NALCN: variants seen among roughly 807,000 people sequenced by gnomAD.
NALCN encodes sodium leak channel, non-selective.
NALCN carries 111 observed loss-of-function variants against 225.3 expected under a neutral mutation model. The ratio of observed to expected loss-of-function variants is 0.49; its 90% confidence interval spans 0.42 to 0.58. The LOEUF (loss-of-function observed/expected upper bound fraction) is 0.58, where lower values mean the gene tolerates loss of function less well. Among genes scored for constraint, NALCN ranks in the 20% least tolerant of loss-of-function variants. NALCN has a pLI of 0.00. For synonymous variants in NALCN, 764 were observed against 769.0 expected, an observed-to-expected ratio of 0.99 and a Z score of 0.11; for missense variants, 1,378 against 2,202.4, an observed-to-expected ratio of 0.63 and a Z score of 7.49.
chr13:101,110,519 T>C (rs548674623), intron 20 of NALCN, 100 bp downstream of exon 20: 2 of 1,265,746 alleles, frequency 1.6e-6, no homozygotes, highest in South Asian at 2.5e-5. Context: ...TAAGGAGACA[T>C]GGGAATGCAG....
chr13:101,374,618 T>G (rs1267014840), intron 6 of NALCN, among the ~76,000 whole-genome samples: 1 of 152,178 alleles, frequency 6.6e-6, no homozygotes, highest in Non-Finnish European at 1.5e-5. Flanking sequence ...AGGTATGAGA[T>G]GCATGCCTTC....
chr13:101,230,418 A>T (rs1228570996), intron 12 of NALCN, among the ~76,000 whole-genome samples: 1 of 152,188 alleles, frequency 6.6e-6, no homozygotes, highest in Admixed American at 6.5e-5. Context: ...GAACTTTCCG[A>T]ATTCTAACCT....
At chr13:101,327,888 G>A (rs1262077830) in intron 7 of NALCN, among the ~76,000 whole-genome samples, 3 of 152,258 alleles carry the variant, frequency 2.0e-5, no homozygotes, top group Admixed American at 6.5e-5. Context: ...CTAACTTTCC[G>A]TAAATGGCCA....
intron 15 of NALCN, among the ~76,000 whole-genome samples, chr13:101,156,956 C>T (rs369161545): frequency 2.6e-5 from 4 of 152,120 alleles, no homozygotes; most frequent in African/African-American, 9.6e-5. Flanking sequence ...TAAATGTCTC[C>T]TATGTTGATA....
At chr13:101,138,742 G>A (rs899137953) in intron 17 of NALCN, among the ~76,000 whole-genome samples, 3 of 152,158 alleles carry the variant, frequency 2.0e-5, no homozygotes, top group African/African-American at 4.8e-5. Context: ...AGAACAGAGC[G>A]GGCTGCTTTT....
chr13:101,066,064 G>T (rs1055611479), intron 39 of NALCN, among the ~76,000 whole-genome samples: 1 of 152,152 alleles, frequency 6.6e-6, no homozygotes, highest in Non-Finnish European at 1.5e-5. Flanking sequence ...GTTGGATCAT[G>T]CCTGTAATCT....
intron 6 of NALCN, among the ~76,000 whole-genome samples, chr13:101,361,967 G>A (rs2046263574): frequency 6.6e-6 from 1 of 151,842 alleles, no homozygotes; most frequent in Non-Finnish European, 1.5e-5. Context: ...ATTTTCATCT[G>A]AAAGTTCAAT....
intron 14 of NALCN, among the ~76,000 whole-genome samples, chr13:101,178,008 A>G (rs930329131): frequency 6.6e-6 from 1 of 152,194 alleles, no homozygotes; most frequent in Admixed American, 6.5e-5. Context: ...GATCTAGACC[A>G]GAGGGTTTTT....
intron 10 of NALCN, among the ~76,000 whole-genome samples, chr13:101,263,696 A>G (rs1355184750): frequency 6.6e-6 from 1 of 152,216 alleles, no homozygotes; most frequent in Non-Finnish European, 1.5e-5. Flanking sequence ...GTTCAGAGTT[A>G]TTAAAATAAT....
At chr13:101,289,868 T>C (rs1296534526) in intron 9 of NALCN, among the ~76,000 whole-genome samples, 2 of 152,104 alleles carry the variant, frequency 1.3e-5, no homozygotes, top group African/African-American at 4.8e-5. Context: ...AAATTATGTC[T>C]CTCCCTTCTC....
chr13:101,135,825 A>G (rs1435161848), intron 17 of NALCN, among the ~76,000 whole-genome samples: 1 of 152,202 alleles, frequency 6.6e-6, no homozygotes, highest in African/African-American at 2.4e-5. Context: ...GAAGAGGAAA[A>G]AGTTTAAAAA....
intron 1 of NALCN, among the ~76,000 whole-genome samples, chr13:101,413,131 GA>G (rs2047836393): frequency 6.6e-6 from 1 of 152,098 alleles, no homozygotes; most frequent in South Asian, 2.1e-4. Context: ...CTCAAAAGCA[GA>G]TTAAGCAATT....
Position 101,089,926 on chromosome 13 carries a change from C to T in NALCN, c.3310G>A (p.Ala1104Thr). 1.2e-6 allele frequency: 2 copies of T among 1,614,022 alleles called. No homozygotes were observed. The highest frequency in any genetic ancestry group is 2.2e-5 in the East Asian group (1 of 44,874). ...AGAACTTCAAACAACGCCAGCATAGCGTTTCCCACATTGTCGAAATTAAAG... is the reference window on the plus strand; with the variant it reads ...AGAACTTCAAACAACGCCAGCATAGTGTTTCCCACATTGTCGAAATTAAAG... ...RNFNFDNVGN[A>T]MLALFEVLSL... Residue 1104 changes from alanine to threonine, a missense_variant, in exon 29 of 44, where the codon GCT (alanine) becomes ACT (threonine). Physicochemically the swap from Ala to Thr is moderately conservative, Grantham distance 58. Transcript: ENST00000251127. This position sits in a 1 kb window ranked among gnomAD's most constrained non-coding sequence, Gnocchi z 4.7.
intron 17 of NALCN, among the ~76,000 whole-genome samples, chr13:101,133,656 T>C (rs1479201049): frequency 1.3e-5 from 2 of 152,190 alleles, no homozygotes; most frequent in Non-Finnish European, 2.9e-5. Context: ...ACAGATCATG[T>C]GTGTGGCAAG....
chr13:101,389,382 A>G lies in NALCN; in HGVS notation c.291+5801T>C, dbSNP rs544893049. 2.0e-5 allele frequency among the ~76,000 whole-genome samples: 3 copies of G among 152,324 alleles called. No homozygotes were observed. In the South Asian group the frequency reaches 6.2e-4, roughly 32 times the overall value. ...AAACAAAGGAACAAAACAAAAACAAATGACTACCAATGTCCCCAAGAAACT... is the reference window on the plus strand; with the variant it reads ...AAACAAAGGAACAAAACAAAAACAAGTGACTACCAATGTCCCCAAGAAACT... On this transcript the variant is annotated intron_variant, in intron 3 of 43. Coordinates refer to ENST00000251127, the MANE Select transcript of NALCN (RefSeq NM_052867.4).
intron 17 of NALCN, among the ~76,000 whole-genome samples, chr13:101,131,580 T>C (rs2139731991): frequency 6.6e-6 from 1 of 152,264 alleles, no homozygotes; most frequent in South Asian, 2.1e-4. Context: ...CCTGGCCTGT[T>C]CAATTTTGAT....
At chr13:101,224,612 C>T (rs11843047) in intron 13 of NALCN, among the ~76,000 whole-genome samples, 13,245 of 152,102 alleles carry the variant, frequency 0.087, 1,711 homozygotes, top group African/African-American at 0.28. Flanking sequence ...TTCCTACACC[C>T]CTTCATGACC....
chr13:101,229,457 G>A lies in NALCN; in HGVS notation c.1562C>T (p.Ser521Leu). The change falls in exon 13 of 44, where the codon TCA (serine) becomes TTA (leucine). Residue 521 changes from serine to leucine, a missense_variant. By Grantham distance (145) the Ser-to-Leu change is moderately radical. Around this residue, in one of 19 missense-constraint regions of NALCN, gnomAD observed 12 missense variants for 50.5 expected, o/e 0.24. Transcript: ENST00000251127. The stretch of plus-strand genomic sequence containing the variant: ...GCAGAACATCTGCAAACTAATTGCT[G>A]ACATAACAATCAAGAGGCTGGCAGT... ...VFTASLLIVM[S>L]AISLQMFCFV... 1.2e-6 allele frequency: 2 copies of A among 1,610,230 alleles called. No individual in the cohort carries two copies. Among genetic ancestry groups the A allele is most frequent in the Non-Finnish European group, 1.7e-6 (2 of 1,178,420 alleles).
intron 15 of NALCN, among the ~76,000 whole-genome samples, chr13:101,175,119 C>T (rs1339336511): frequency 6.6e-6 from 1 of 152,156 alleles, no homozygotes; most frequent in East Asian, 1.9e-4. Context: ...AGTGAAAAGA[C>T]GGGGAAGAAA....
Sources: allele counts gnomAD v4.1 joint callset (sites outside exome capture counted in the v4.1 genomes callset), GRCh38; gene constraint gnomAD v4.1.1; regional missense constraint gnomAD v4.1.1; non-coding constraint Gnocchi (gnomAD v3.1); transcripts MANE v1.5; gene names NCBI Gene and HGNC (gene_info 2026-07-23, HGNC 2026-07-21).